The following KDM2A variants were observed in gnomAD, a reference collection of about 807,000 sequenced individuals.
KDM2A encodes lysine-specific demethylase 2A.
A neutral mutation model predicts 137.3 loss-of-function variants in KDM2A; 3 were observed. That is an observed-to-expected ratio of 0.02 (90% CI 0.01 to 0.06). The LOEUF (loss-of-function observed/expected upper bound fraction) is 0.06. KDM2A is among the 10% of genes least tolerant of loss of function. KDM2A has a pLI of 1.00. For missense variants in KDM2A, 738 were observed against 1,510.6 expected (o/e 0.49, Z 8.48); for synonymous variants, 512 against 541.5 (o/e 0.95, Z 0.76).
rs1231874585 is a variant in KDM2A, at chr11:67,119,751, G to T, written c.-382G>T. 6.7e-6 allele frequency: 1 copy of T among 150,324 alleles called. No individual in the cohort carries two copies. The highest frequency in any genetic ancestry group is 1.5e-5 in the Non-Finnish European group (1 of 67,270). 9.3% of individuals were successfully genotyped at this position (150,324 alleles called of 1,614,324 possible). A position where few individuals can be genotyped will look rare whatever the true frequency, so the allele number is the denominator to read the frequency against. Reference sequence around the variant, plus strand: ...AGGGCGCTCCCTGCGGCCGGGGCCGGCCCGGGGCTCGGGCCCGGGCTGCTG... The same window carrying T: ...AGGGCGCTCCCTGCGGCCGGGGCCGTCCCGGGGCTCGGGCCCGGGCTGCTG... On this transcript the variant is annotated 5_prime_UTR_variant, in exon 1 of 21. Coordinates refer to ENST00000529006, the MANE Select transcript of KDM2A (RefSeq NM_012308.3).
At chr11:67,161,161 A>C (rs898710115) in intron 2 of KDM2A, among the ~76,000 whole-genome samples, 14 of 152,192 alleles carry the variant, frequency 9.2e-5, no homozygotes, top group African/African-American at 3.1e-4. Context: ...TAGGAGTTTG[A>C]GACTAACTTG....
At chr11:67,222,655 C>T (rs1197917230) in intron 10 of KDM2A, among the ~76,000 whole-genome samples, 2 of 131,204 alleles carry the variant, frequency 1.5e-5, no homozygotes, top group Non-Finnish European at 1.6e-5. Flanking sequence ...GGCGGCCGGG[C>T]AGAGGCGCCC....
intron 13 of KDM2A, 137 bp downstream of exon 13, chr11:67,243,229 T>C: frequency 1.6e-6 from 1 of 635,486 alleles, no homozygotes; most frequent in East Asian, 2.9e-5. Context: ...AAATCATTAT[T>C]CAGTTCTGTT....
chr11:67,216,927 GAAAC>G (rs1210190762), intron 8 of KDM2A, among the ~76,000 whole-genome samples: 4 of 148,030 alleles, frequency 2.7e-5, no homozygotes, highest in East Asian at 2.0e-4. Context: ...TCTCAAAAAA[GAAAC>G]AAACAACAAC....
chr11:67,227,293 A>G (rs574333571), intron 10 of KDM2A, among the ~76,000 whole-genome samples: 11 of 152,206 alleles, frequency 7.2e-5, no homozygotes, highest in Non-Finnish European at 1.5e-4. Flanking sequence ...TCTGAGAGTG[A>G]GTCTCTAGTC....
Position 67,255,846 on chromosome 11 carries a change from C to A in KDM2A, c.*791C>A. ...AAGTGGATTCTGAGACAGGCACCAT[C>A]TCCTTGTTCCCCCTCTCTCTTTTGC... On this transcript the variant is annotated 3_prime_UTR_variant, in exon 21 of 21. Coordinates refer to ENST00000529006, the MANE Select transcript of KDM2A (RefSeq NM_012308.3). 1 of 280,428 alleles carries A rather than the reference C, an allele frequency of 3.6e-6. No homozygotes were observed. The highest frequency in any genetic ancestry group is 7.1e-6 in the Non-Finnish European group (1 of 139,936). 17.4% of individuals were successfully genotyped at this position (280,428 alleles called of 1,614,324 possible). A position where few individuals can be genotyped will look rare whatever the true frequency, so the allele number is the denominator to read the frequency against.
chr11:67,242,541 T>C (rs1000684600), intron 12 of KDM2A, among the ~76,000 whole-genome samples: 6 of 152,226 alleles, frequency 3.9e-5, no homozygotes, highest in Non-Finnish European at 4.4e-5. Context: ...TACTGTCATA[T>C]GTAGAACTGT....
At chr11:67,168,060 A>T (rs1456413079) in intron 2 of KDM2A, among the ~76,000 whole-genome samples, 2 of 152,216 alleles carry the variant, frequency 1.3e-5, no homozygotes, top group Non-Finnish European at 2.9e-5. Context: ...CATTTTAATT[A>T]AAATCCATCA....
intron 5 of KDM2A, among the ~76,000 whole-genome samples, chr11:67,206,492 T>C (rs1205805519): frequency 6.6e-6 from 1 of 152,064 alleles, no homozygotes; most frequent in African/African-American, 2.4e-5. Flanking sequence ...ATCCTAGCAC[T>C]TTAGGAGGCC....
At chr11:67,138,925 C>T (rs1856031685) in intron 2 of KDM2A, among the ~76,000 whole-genome samples, 1 of 152,280 alleles carries the variant, frequency 6.6e-6, no homozygotes, top group South Asian at 2.1e-4. Context: ...AGGTAGTTAC[C>T]TTAATTTCAC....
At chr11:67,159,606 T>TTGTAA (rs1856592324) in intron 2 of KDM2A, among the ~76,000 whole-genome samples, 1 of 152,212 alleles carries the variant, frequency 6.6e-6, no homozygotes, top group African/African-American at 2.4e-5. Flanking sequence ...GATTTTCCCA[T>TTGTAA]TGTAATGGTA....
At chr11:67,244,909 C>A (rs1488265031) in intron 13 of KDM2A, among the ~76,000 whole-genome samples, 2 of 151,656 alleles carry the variant, frequency 1.3e-5, no homozygotes, top group African/African-American at 2.4e-5. Flanking sequence ...TGGCGGGAAC[C>A]CGGGAGGCGG....
In KDM2A at chr11:67,256,117, T is replaced by A. The variant is rs1236025350; in HGVS notation, c.*1062T>A. The A allele has an allele frequency of 1.3e-5, 2 of 156,152 alleles. No individual in the cohort carries two copies. The highest frequency in any genetic ancestry group is 3.8e-4 in the East Asian group (2 of 5,214). 9.7% of individuals were successfully genotyped at this position (156,152 alleles called of 1,614,324 possible). A position where few individuals can be genotyped will look rare whatever the true frequency, so the allele number is the denominator to read the frequency against. ...TTCAGGGCAGTCAGGGGGTCCTGCTTAGAAGCCAGTCACCAGCCCTCTGCC... is the reference window on the plus strand; with the variant it reads ...TTCAGGGCAGTCAGGGGGTCCTGCTAAGAAGCCAGTCACCAGCCCTCTGCC... On this transcript the variant is annotated 3_prime_UTR_variant, in exon 21 of 21. Coordinates refer to ENST00000529006, the MANE Select transcript of KDM2A (RefSeq NM_012308.3).
chr11:67,120,150 T>C (rs1855565454), intron 1 of KDM2A, 101 bp downstream of exon 1: 2 of 152,154 alleles, frequency 1.3e-5, no homozygotes, highest in African/African-American at 2.4e-5. Context: ...GGGTGAACCA[T>C]TGAAACGCCT....
intron 2 of KDM2A, among the ~76,000 whole-genome samples, chr11:67,166,056 G>A (rs188298747): frequency 3.6e-4 from 55 of 152,140 alleles, no homozygotes; most frequent in Middle Eastern, 6.8e-3. Flanking sequence ...CCTTTTCTGT[G>A]TTTGTTGATA....
At chr11:67,156,991 A>G (rs535649810) in intron 2 of KDM2A, among the ~76,000 whole-genome samples, 1 of 152,068 alleles carries the variant, frequency 6.6e-6, no homozygotes, top group Non-Finnish European at 1.5e-5. Flanking sequence ...AAAATTTAAA[A>G]TATTTACCCT....
chr11:67,195,944 C>T, intron 5 of KDM2A: 1 of 420,758 alleles, frequency 2.4e-6, no homozygotes, highest in African/African-American at 1.9e-5. Flanking sequence ...CTTTCTTTGC[C>T]AAATCCACAA....
chr11:67,224,553 C>T (rs959417623), intron 10 of KDM2A, among the ~76,000 whole-genome samples: 27 of 149,098 alleles, frequency 1.8e-4, no homozygotes, highest in East Asian at 9.9e-4. Context: ...CTGCAAGCTC[C>T]GCCTCCTGGG....
chr11:67,181,025 A>G (rs1857081160), intron 3 of KDM2A, among the ~76,000 whole-genome samples: 1 of 151,404 alleles, frequency 6.6e-6, no homozygotes, highest in African/African-American at 2.4e-5. Context: ...AGCATTTATA[A>G]GATGACTCAC....
Sources: gnomAD v4.1 joint callset for allele counts (sites outside exome capture counted in the v4.1 genomes callset) on GRCh38, gnomAD v4.1.1 for gene constraint, MANE v1.5 for transcripts, NCBI Gene and HGNC (gene_info 2026-07-23, HGNC 2026-07-21) for gene names.